The following P4HA3 variants were observed in gnomAD, a reference collection of about 807,000 sequenced individuals.
The protein encoded by P4HA3 is prolyl 4-hydroxylase subunit alpha 3.
Under a neutral mutation model 66.7 loss-of-function variants are expected in P4HA3, and 60 were observed. The ratio of observed to expected loss-of-function variants is 0.90; its 90% CI spans 0.73 to 1.12. The LOEUF (loss-of-function observed/expected upper bound fraction) is 1.12. Among genes scored for constraint, P4HA3 ranks in the 50% most tolerant of loss-of-function variants. The pLI is 0.00. For synonymous variants in P4HA3, 263 were observed against 274.6 expected (o/e 0.96, Z 0.42); for missense variants, 683 against 685.8 (o/e 1.00, Z 0.05).
In P4HA3 at chr11:74,304,376, T is replaced by C; in HGVS notation, c.237A>G (p.Ser79=). 6.2e-7 allele frequency: 1 copy of C among 1,614,108 alleles called. No individual in the cohort carries two copies. The highest frequency in any genetic ancestry group is 8.5e-7 in the Non-Finnish European group (1 of 1,179,988). ...YDKVLSLHED[S]TTPVANPLLA... ...GCAGAGGGTTAGCCACAGGGGTTGT[T>C]GAATCCTCATGCAAAGAAAGTACCT... Residue 79 remains serine, a synonymous_variant, in exon 2 of 13, where the codon TCA becomes TCG. Coordinates refer to ENST00000331597, the MANE Select transcript of P4HA3 (RefSeq NM_182904.5).
intron 4 of P4HA3, among the ~76,000 whole-genome samples, chr11:74,294,885 G>A (rs564680423): frequency 2.6e-5 from 4 of 152,152 alleles, no homozygotes; most frequent in Non-Finnish European, 2.9e-5. Flanking sequence ...TAGGCTACTC[G>A]GGGGTAAGGG....
intron 12 of P4HA3, 106 bp from the exon 13 acceptor site, chr11:74,267,424 T>C: frequency 2.2e-6 from 3 of 1,378,854 alleles, no homozygotes; most frequent in Non-Finnish European, 9.8e-7. Flanking sequence ...CCCCCTTAAA[T>C]TCTGCATCCT....
downstream of P4HA3, among the ~76,000 whole-genome samples, chr11:74,265,980 A>C (rs1224936211): frequency 2.6e-5 from 4 of 152,228 alleles, no homozygotes; most frequent in African/African-American, 4.8e-5. Flanking sequence ...CATATGAAAG[A>C]AAGTGGCTGG....
At chr11:74,294,700 T>C (rs928816781) in intron 4 of P4HA3, among the ~76,000 whole-genome samples, 3 of 152,208 alleles carry the variant, frequency 2.0e-5, no homozygotes, top group Admixed American at 6.5e-5. Flanking sequence ...TGGAGTTTGC[T>C]AGAGGTCCAC....
chr11:74,293,738 T>G (rs983230022), intron 4 of P4HA3, among the ~76,000 whole-genome samples: 1 of 152,230 alleles, frequency 6.6e-6, no homozygotes, highest in Non-Finnish European at 1.5e-5. Flanking sequence ...GATTCTGGGT[T>G]GAAAATTCTT....
intron 9 of P4HA3, among the ~76,000 whole-genome samples, chr11:74,274,472 AT>A (rs575693268): frequency 0.025 from 3,531 of 140,352 alleles, 59 homozygotes; most frequent in African/African-American, 0.04. Context: ...TGCCCAGCTA[AT>A]TTTTTTTTTT....
intron 15 of P4HA3, chr11:74,252,402 C>G: frequency 2.2e-6 from 1 of 454,274 alleles, no homozygotes; most frequent in Non-Finnish European, 4.4e-6. Context: ...TGGCCTAGAG[C>G]AGGGTTTTCT....
chr11:74,286,770 G>A (rs1860815765), intron 5 of P4HA3, among the ~76,000 whole-genome samples: 1 of 152,198 alleles, frequency 6.6e-6, no homozygotes, highest in East Asian at 1.9e-4. Flanking sequence ...AATCTTCAGT[G>A]AACATCTACT....
intron 10 of P4HA3, 107 bp from the exon 11 acceptor site, chr11:74,269,827 C>A (rs1293557490): frequency 1.8e-6 from 2 of 1,119,356 alleles, no homozygotes; most frequent in East Asian, 2.8e-5. Context: ...TTTTCTTCAA[C>A]TCTGAGAGAA....
chr11:74,299,886 T>C (rs77453540), intron 3 of P4HA3, among the ~76,000 whole-genome samples: 6,050 of 152,208 alleles, frequency 0.04, 127 homozygotes, highest in Middle Eastern at 0.11. Context: ...GAACTGGAAC[T>C]AAGACACCCT....
chr11:74,308,241 G>A (rs1249035846), intron 1 of P4HA3, among the ~76,000 whole-genome samples: 3 of 152,082 alleles, frequency 2.0e-5, no homozygotes, highest in South Asian at 2.1e-4. Flanking sequence ...GGCTGGGCAC[G>A]GTAGCTCATG....
intron 1 of P4HA3, among the ~76,000 whole-genome samples, chr11:74,306,147 G>T (rs1861574596): frequency 1.3e-5 from 2 of 152,134 alleles, no homozygotes; most frequent in Admixed American, 1.3e-4. Flanking sequence ...TGGGTTCAAG[G>T]AAGGAGTTTA....
At chr11:74,252,251 GT>G (rs1249533305) in intron 15 of P4HA3, among the ~76,000 whole-genome samples, 75 of 118,436 alleles carry the variant, frequency 6.3e-4, no homozygotes, top group South Asian at 1.9e-3. Flanking sequence ...TTTTTTTTTT[GT>G]TTTTTTTTTT....
At chr11:74,274,080 T>C (rs1197790540) in intron 9 of P4HA3, among the ~76,000 whole-genome samples, 7 of 152,096 alleles carry the variant, frequency 4.6e-5, no homozygotes, top group Admixed American at 4.6e-4. Flanking sequence ...TACTGTTCAA[T>C]GAGTTTTCCC....
At chr11:74,281,766 C>T (rs1295333585) in intron 7 of P4HA3, among the ~76,000 whole-genome samples, 1 of 151,722 alleles carries the variant, frequency 6.6e-6, no homozygotes, top group Non-Finnish European at 1.5e-5. Context: ...GGAGATATAC[C>T]TAATGCTAGA....
chr11:74,298,424 A>G (rs1482989002), intron 3 of P4HA3, 63 bp from the exon 4 acceptor site: 2 of 1,549,110 alleles, frequency 1.3e-6, no homozygotes, highest in Non-Finnish European at 1.7e-6. Flanking sequence ...GAAAATGACA[A>G]TTCAAAGAAT....
intron 7 of P4HA3, among the ~76,000 whole-genome samples, chr11:74,282,087 G>A (rs1211777190): frequency 6.7e-6 from 1 of 149,148 alleles, no homozygotes; most frequent in Non-Finnish European, 1.5e-5. Context: ...ACTCATAGAA[G>A]AGAGATGCTC....
intron 4 of P4HA3, among the ~76,000 whole-genome samples, chr11:74,291,315 A>G (rs1027288757): frequency 6.6e-6 from 1 of 152,180 alleles, no homozygotes; most frequent in Non-Finnish European, 1.5e-5. Flanking sequence ...GACTTTGCTG[A>G]AGTTGCTTAT....
intron 1 of P4HA3, among the ~76,000 whole-genome samples, chr11:74,304,888 T>C (rs1360400672): frequency 6.6e-6 from 1 of 151,648 alleles, no homozygotes; most frequent in Non-Finnish European, 1.5e-5. Flanking sequence ...GACCGGGGGG[T>C]TGGGGGATGG....
Sources: gnomAD v4.1 joint callset for allele counts (sites outside exome capture counted in the v4.1 genomes callset) on GRCh38, gnomAD v4.1.1 for gene constraint, MANE v1.5 for transcripts, NCBI Gene and HGNC (gene_info 2026-07-23, HGNC 2026-07-21) for gene names.